BCKDHB: variants seen among roughly 807,000 people sequenced by gnomAD.
The protein encoded by BCKDHB is 2-oxoisovalerate dehydrogenase subunit beta, mitochondrial.
Under a neutral mutation model 48.5 loss-of-function variants are expected in BCKDHB, and 41 were observed. The observed-to-expected ratio is 0.85, with a 90% CI of 0.66 to 1.10. BCKDHB has a LOEUF of 1.10. BCKDHB is among the 50% of genes least tolerant of loss of function. BCKDHB has a pLI of 0.00. For synonymous variants in BCKDHB, 201 were observed against 174.8 expected (o/e 1.15, Z -1.18); for missense variants, 496 against 494.2 (o/e 1.00, Z -0.03).
chr6:80,228,668 T>C (rs1279700840), intron 8 of BCKDHB, among the ~76,000 whole-genome samples: 1 of 152,188 alleles, frequency 6.6e-6, no homozygotes, highest in African/African-American at 2.4e-5. Flanking sequence ...TTTATGTTTA[T>C]TTAGGTGGGC....
intron 8 of BCKDHB, among the ~76,000 whole-genome samples, chr6:80,242,872 A>G (rs569661797): frequency 6.6e-6 from 1 of 152,240 alleles, no homozygotes; most frequent in East Asian, 1.9e-4. Flanking sequence ...AAAATTGGGT[A>G]GGTTTCCAGA....
intron 3 of BCKDHB, 98 bp from the exon 4 acceptor site, chr6:80,167,580 T>A (rs917659068): frequency 9.3e-5 from 117 of 1,260,160 alleles, no homozygotes; most frequent in Non-Finnish European, 1.2e-4. Context: ...TGTTCTATAC[T>A]TCTCCATCCC....
chr6:80,451,924 A>G, the BCKDHB span, among the ~76,000 whole-genome samples: 1 of 152,162 alleles, frequency 6.6e-6, no homozygotes, highest in Non-Finnish European at 1.5e-5. Flanking sequence ...GCCTTGGTAA[A>G]ATAACCAATA....
rs188460686 is a variant in BCKDHB at position 80,240,677 on chromosome 6, C to T, written c.952-32458C>T. Reference sequence around the variant, plus strand: ...TTTATTTCTTTCTCTTGCCTGATTGCCCTGGCCAGAACTTCCAACCCTGTG... The same window carrying T: ...TTTATTTCTTTCTCTTGCCTGATTGTCCTGGCCAGAACTTCCAACCCTGTG... On this transcript the variant is annotated intron_variant, in intron 8 of 9. Transcript: ENST00000320393. Among the ~76,000 whole-genome samples the T allele has an allele frequency of 5.5e-3, 834 of 152,266 alleles. 2 individuals are homozygous for T. Among genetic ancestry groups the T allele is most frequent in the Middle Eastern group, 0.01 (3 of 294 alleles).
At chr6:80,283,813 C>T (rs1018197692) in intron 9 of BCKDHB, among the ~76,000 whole-genome samples, 7 of 152,028 alleles carry the variant, frequency 4.6e-5, no homozygotes, top group African/African-American at 1.7e-4. Context: ...ACAGCCTTAT[C>T]TTCAAAATTT....
intron 8 of BCKDHB, among the ~76,000 whole-genome samples, chr6:80,210,934 A>G (rs1409965044): frequency 6.6e-6 from 1 of 152,190 alleles, no homozygotes; most frequent in Admixed American, 6.5e-5. Context: ...GTGTTAACAA[A>G]ACAGTGGCCA....
chr6:80,229,875 A>C (rs1346582247), intron 8 of BCKDHB, among the ~76,000 whole-genome samples: 1 of 151,654 alleles, frequency 6.6e-6, no homozygotes, highest in Non-Finnish European at 1.5e-5. Flanking sequence ...ACAAGAAAGA[A>C]AGACAGTGGA....
chr6:80,434,938 T>A, the BCKDHB span, among the ~76,000 whole-genome samples: 1 of 152,186 alleles, frequency 6.6e-6, no homozygotes, highest in Non-Finnish European at 1.5e-5. Flanking sequence ...TCCATAGATC[T>A]TTGGAGTTTT....
the BCKDHB span, among the ~76,000 whole-genome samples, chr6:80,423,813 T>A: frequency 6.6e-6 from 1 of 152,226 alleles, no homozygotes. Context: ...TCTTTATGTA[T>A]GGGTACTGCT....
At chr6:80,347,269 A>G (rs1251646799), downstream of BCKDHB, among the ~76,000 whole-genome samples, 1 of 152,232 alleles carries the variant, frequency 6.6e-6, no homozygotes, top group Non-Finnish European at 1.5e-5. Context: ...TGTACAGCAT[A>G]GGAAGGGAAA....
chr6:80,295,282 G>A (rs1348099149), intron 9 of BCKDHB, among the ~76,000 whole-genome samples: 5 of 152,078 alleles, frequency 3.3e-5, no homozygotes, highest in African/African-American at 1.2e-4. Context: ...AAGGATAAAG[G>A]ATATAATGGA....
chr6:80,160,417 C>T (rs1454608147), intron 3 of BCKDHB, among the ~76,000 whole-genome samples: 7 of 152,262 alleles, frequency 4.6e-5, no homozygotes, highest in South Asian at 2.1e-4. Context: ...CTCAGCCTCT[C>T]GAAGTGCTGG....
At chr6:80,121,151 T>C (rs1769995362) in intron 1 of BCKDHB, among the ~76,000 whole-genome samples, 1 of 152,232 alleles carries the variant, frequency 6.6e-6, no homozygotes, top group Non-Finnish European at 1.5e-5. Context: ...TTTGTCAGGT[T>C]TATTAAAGAT....
At chr6:80,314,273 T>G (rs1029993260) in intron 9 of BCKDHB, among the ~76,000 whole-genome samples, 1 of 152,224 alleles carries the variant, frequency 6.6e-6, no homozygotes, top group Non-Finnish European at 1.5e-5. Context: ...TCAGGTCTGC[T>G]TGAGCTGTCA....
chr6:80,365,492 C>T, the BCKDHB span, among the ~76,000 whole-genome samples: 4 of 152,196 alleles, frequency 2.6e-5, no homozygotes, highest in East Asian at 5.8e-4. Context: ...TGATATCTCT[C>T]CTACTTGCGT....
At chr6:80,422,649 T>A in the BCKDHB span, among the ~76,000 whole-genome samples, 3 of 152,192 alleles carry the variant, frequency 2.0e-5, no homozygotes, top group African/African-American at 7.2e-5. Context: ...GTGCCATGGA[T>A]GTGAGACATG....
At chr6:80,139,216 T>C (rs1308185192) in intron 3 of BCKDHB, among the ~76,000 whole-genome samples, 1 of 152,200 alleles carries the variant, frequency 6.6e-6, no homozygotes, top group African/African-American at 2.4e-5. Context: ...CTTTGTCAGA[T>C]GAGTAAGTTG....
At chr6:80,272,770 A>G (rs1015104842) in intron 8 of BCKDHB, among the ~76,000 whole-genome samples, 14 of 152,190 alleles carry the variant, frequency 9.2e-5, no homozygotes, top group African/African-American at 3.1e-4. Flanking sequence ...GAATAAAAAA[A>G]ACTTTCGCTC....
intron 8 of BCKDHB, among the ~76,000 whole-genome samples, chr6:80,217,652 T>G (rs1582379045): frequency 6.6e-6 from 1 of 152,218 alleles, no homozygotes; most frequent in Admixed American, 6.5e-5. Flanking sequence ...CACAGCCACT[T>G]TTAACCATTT....
Sources: allele counts gnomAD v4.1 joint callset (sites outside exome capture counted in the v4.1 genomes callset), GRCh38; gene constraint gnomAD v4.1.1; transcripts MANE v1.5; gene names NCBI Gene and HGNC (gene_info 2026-07-23, HGNC 2026-07-21).